FTCDNL1: variants seen among roughly 807,000 people sequenced by gnomAD.
The protein encoded by FTCDNL1 is formiminotransferase cyclodeaminase N-terminal like, also known as formiminotransferase N-terminal subdomain-containing protein.
In FTCDNL1, 11 loss-of-function variants were observed where a neutral mutation model predicts 5.9. The ratio of observed to expected loss-of-function variants is 1.87; its 90% CI spans 1.18 to 3.10. The LOEUF is 3.10. FTCDNL1 is among the 30% of genes most tolerant of loss of function. The probability of loss-of-function intolerance (pLI) is 0.00; values close to 1 mark genes in which losing one functional copy is unlikely to be tolerated. For synonymous variants in FTCDNL1, 58 were observed against 24.8 expected (o/e 2.34, Z -3.99); for missense variants, 115 against 65.5 (o/e 1.76, Z -2.61).
At chr2:199,763,136 G>A (rs1418402855) in intron 3 of FTCDNL1, among the ~76,000 whole-genome samples, 2 of 152,142 alleles carry the variant, frequency 1.3e-5, no homozygotes, top group Non-Finnish European at 2.9e-5. Flanking sequence ...GGGCCCATCC[G>A]GTTCTAAGTC....
downstream of FTCDNL1, among the ~76,000 whole-genome samples, chr2:199,758,115 G>C (rs942803579): frequency 2.0e-5 from 3 of 151,886 alleles, no homozygotes; most frequent in Non-Finnish European, 4.4e-5. Flanking sequence ...GGAAAATAAT[G>C]TTTTATTCTG....
chr2:199,679,365 G>T, the FTCDNL1 span, among the ~76,000 whole-genome samples: 2 of 151,782 alleles, frequency 1.3e-5, no homozygotes, highest in Admixed American at 1.3e-4. Flanking sequence ...TTAAACTTTT[G>T]TTATTTTGTT....
chr2:199,678,342 G>A, the FTCDNL1 span, among the ~76,000 whole-genome samples: 1 of 151,994 alleles, frequency 6.6e-6, no homozygotes, highest in Non-Finnish European at 1.5e-5. Flanking sequence ...TTTTAGTAAG[G>A]TAAATAGATG....
chr2:199,815,758 T>G (rs1196089578), intron 4 of FTCDNL1, among the ~76,000 whole-genome samples: 3 of 152,054 alleles, frequency 2.0e-5, no homozygotes, highest in Non-Finnish European at 2.9e-5. Flanking sequence ...TCCCAGCACT[T>G]TGGGAGGCCG....
the FTCDNL1 span, among the ~76,000 whole-genome samples, chr2:199,750,437 A>G: frequency 6.6e-6 from 1 of 152,186 alleles, no homozygotes; most frequent in Non-Finnish European, 1.5e-5. Context: ...CTCATTGGTC[A>G]ATTTATTCCT....
chr2:199,737,919 C>G, the FTCDNL1 span, among the ~76,000 whole-genome samples: 36,665 of 152,040 alleles, frequency 0.24, 5,081 homozygotes, highest in African/African-American at 0.37. Context: ...GATACTTGAA[C>G]CTGAGACATA....
At chr2:199,781,231 T>C (rs1190700967) in intron 3 of FTCDNL1, among the ~76,000 whole-genome samples, 2 of 152,214 alleles carry the variant, frequency 1.3e-5, no homozygotes, top group African/African-American at 4.8e-5. Context: ...ATTACCTATA[T>C]GTACATATTT....
At chr2:199,681,684 T>G in the FTCDNL1 span, among the ~76,000 whole-genome samples, 2 of 151,822 alleles carry the variant, frequency 1.3e-5, no homozygotes, top group Admixed American at 1.3e-4. Flanking sequence ...CCTAGAAGAG[T>G]CTCCGGATAT....
chr2:199,782,477 A>AAAGT (rs1699415945), intron 3 of FTCDNL1, among the ~76,000 whole-genome samples: 1 of 152,128 alleles, frequency 6.6e-6, no homozygotes, highest in Admixed American at 6.6e-5. Context: ...ATTGAGGGGG[A>AAAGT]AAGTTTCAAA....
chr2:199,775,654 T>C (rs1699021445), intron 3 of FTCDNL1, among the ~76,000 whole-genome samples: 1 of 152,172 alleles, frequency 6.6e-6, no homozygotes. Flanking sequence ...CACTGGGTAA[T>C]ATCCACTCAT....
the FTCDNL1 span, among the ~76,000 whole-genome samples, chr2:199,731,336 T>G: frequency 6.6e-6 from 1 of 152,088 alleles, no homozygotes; most frequent in African/African-American, 2.4e-5. Flanking sequence ...ATTCTACACA[T>G]GTATCCCAGA....
chr2:199,699,363 G>C, the FTCDNL1 span, among the ~76,000 whole-genome samples: 1 of 152,004 alleles, frequency 6.6e-6, no homozygotes, highest in Admixed American at 6.6e-5. Flanking sequence ...GCTACCTGGG[G>C]GGCTCACCTA....
In FTCDNL1 at chr2:199,848,890, T is replaced by G; in HGVS notation, c.73A>C (p.Ile25Leu). Residue 25 changes from isoleucine to leucine, a missense_variant, in exon 2 of 5, where the codon ATT becomes CTT. Coordinates refer to ENST00000420128, the MANE Select transcript of FTCDNL1 (RefSeq NM_001363886.2). ...LNVSEAGRKY[I>L]VENIAKAALL... is the part of the protein sequence containing the mutation. ...GCTGCTTTTGCTATGTTCTCAACAATGTATTTTCTTCCGGCTTCTGAAACG... is the reference window on the plus strand; with the variant it reads ...GCTGCTTTTGCTATGTTCTCAACAAGGTATTTTCTTCCGGCTTCTGAAACG... 1 of 702,342 alleles carries G rather than the reference T, an allele frequency of 1.4e-6. No individual in the cohort carries two copies. Among genetic ancestry groups the G allele is most frequent in the Non-Finnish European group, 2.6e-6 (1 of 384,808 alleles). 43.5% of individuals were successfully genotyped at this position (702,342 alleles called of 1,614,324 possible).
chr2:199,844,876 T>C (rs2076687447), intron 3 of FTCDNL1, among the ~76,000 whole-genome samples: 1 of 152,134 alleles, frequency 6.6e-6, no homozygotes, highest in South Asian at 2.1e-4. Flanking sequence ...GAATGCCTTA[T>C]GAGTAATTAT....
the FTCDNL1 span, among the ~76,000 whole-genome samples, chr2:199,733,875 TTTTAA>T: frequency 6.6e-6 from 1 of 152,206 alleles, no homozygotes; most frequent in Non-Finnish European, 1.5e-5. Flanking sequence ...ATTTTTGTCT[TTTTAA>T]TTTCTTTTTT....
the FTCDNL1 span, among the ~76,000 whole-genome samples, chr2:199,665,345 G>C: frequency 6.6e-6 from 1 of 152,102 alleles, no homozygotes; most frequent in Non-Finnish European, 1.5e-5. Flanking sequence ...TGAAAGTAGA[G>C]AACAAGCCAG....
At chr2:199,793,468 G>T (rs1700029100) in intron 3 of FTCDNL1, among the ~76,000 whole-genome samples, 1 of 152,092 alleles carries the variant, frequency 6.6e-6, no homozygotes, top group Non-Finnish European at 1.5e-5. Flanking sequence ...CCAAACTGGA[G>T]AACAACAAAG....
the FTCDNL1 span, among the ~76,000 whole-genome samples, chr2:199,691,117 T>C: frequency 6.6e-6 from 1 of 152,218 alleles, no homozygotes. Flanking sequence ...GCATTTGTTT[T>C]TGGTTAAATA....
At chr2:199,781,200 C>T (rs1574488702) in intron 3 of FTCDNL1, among the ~76,000 whole-genome samples, 1 of 152,300 alleles carries the variant, frequency 6.6e-6, no homozygotes, top group Non-Finnish European at 1.5e-5. Context: ...GGCATTTGAC[C>T]AAACAGCCAG....
Sources: allele counts gnomAD v4.1 joint callset (sites outside exome capture counted in the v4.1 genomes callset), GRCh38; gene constraint gnomAD v4.1.1; transcripts MANE v1.5; gene names NCBI Gene and HGNC (gene_info 2026-07-23, HGNC 2026-07-21).